Variants in SECISBP2 observed in about 807,000 individuals in gnomAD.
SECISBP2 encodes selenocysteine insertion sequence-binding protein 2.
In SECISBP2, 96 loss-of-function variants were observed where a neutral mutation model predicts 98.2. The ratio of observed to expected loss-of-function variants is 0.98; its 90% CI spans 0.83 to 1.16. SECISBP2 has a LOEUF of 1.16. SECISBP2 is among the 50% of genes most tolerant of loss of function. The pLI is 0.00. For missense variants in SECISBP2, 1,046 were observed against 1,022.9 expected (o/e 1.02, Z -0.31); for synonymous variants, 407 against 370.2 (o/e 1.10, Z -1.14).
intron 7 of SECISBP2, among the ~76,000 whole-genome samples, chr9:89,336,012 A>G (rs1276568479): frequency 6.8e-6 from 1 of 147,356 alleles, no homozygotes; most frequent in African/African-American, 2.5e-5. Context: ...TTTTTGGTTA[A>G]TGGAATTTAT....
At position 89,358,125 on chromosome 9, in the gene SECISBP2, C is replaced by G; in HGVS notation, c.2395C>G (p.Gln799Glu). ...TCAGGCACCTCCCAGCCTACCCACA[C>G]AGGGCCCCAGCTGCCCTGCAGAAGA... Reference protein sequence around the residue: ...RPQAPPSLPTQGPSCPAEDGP... With the variant: ...RPQAPPSLPTEGPSCPAEDGP... The change falls in exon 16 of 17, where the codon CAG (glutamine) becomes GAG (glutamate). Residue 799 changes from glutamine to glutamate, a missense_variant. By Grantham distance (29) the Gln-to-Glu change is conservative. Transcript: ENST00000375807. 6.2e-7 allele frequency: 1 copy of G among 1,613,852 alleles called. No individual in the cohort carries two copies. Among genetic ancestry groups the G allele is most frequent in the Non-Finnish European group, 8.5e-7 (1 of 1,179,954 alleles).
chr9:89,341,291 AG>A, intron 9 of SECISBP2, 55 bp from the exon 10 acceptor site: 1 of 1,526,688 alleles, frequency 6.6e-7, no homozygotes, highest in Non-Finnish European at 9.0e-7. Context: ...TTTTGTAAAA[AG>A]AAAAGCACAG....
chr9:89,359,993 C>T (rs539697770), downstream of SECISBP2, among the ~76,000 whole-genome samples: 1 of 152,136 alleles, frequency 6.6e-6, no homozygotes, highest in Non-Finnish European at 1.5e-5. Flanking sequence ...TCTTGAGAAG[C>T]GGCCTGTGAT....
At chr9:89,335,490 G>T (rs1258220548) in intron 7 of SECISBP2, among the ~76,000 whole-genome samples, 1 of 151,904 alleles carries the variant, frequency 6.6e-6, no homozygotes, top group South Asian at 2.1e-4. Flanking sequence ...CTGCCACCAT[G>T]CCTGGCTAAT....
At chr9:89,322,292 C>T (rs1336748008) in intron 2 of SECISBP2, 1 of 152,238 alleles carries the variant, frequency 6.6e-6, no homozygotes, top group Non-Finnish European at 1.5e-5. Flanking sequence ...ATGTAATGAA[C>T]AAATTTGCCT....
intron 2 of SECISBP2, among the ~76,000 whole-genome samples, chr9:89,320,839 A>G (rs1257889321): frequency 6.6e-6 from 1 of 152,084 alleles, no homozygotes; most frequent in Non-Finnish European, 1.5e-5. Context: ...TAAGATTTGC[A>G]TCAGGTGTAG....
chr9:89,331,744 T>A (rs1423830803), intron 5 of SECISBP2, among the ~76,000 whole-genome samples: 1 of 152,234 alleles, frequency 6.6e-6, no homozygotes, highest in Non-Finnish European at 1.5e-5. Context: ...GGCTTTTGCA[T>A]TTACATGGGA....
intron 10 of SECISBP2, among the ~76,000 whole-genome samples, chr9:89,345,432 G>C (rs188651226): frequency 6.6e-6 from 1 of 152,330 alleles, no homozygotes; most frequent in East Asian, 1.9e-4. Flanking sequence ...AAAAGCCTCA[G>C]ACAGGAGTGT....
In SECISBP2 at chr9:89,358,843, CTG is replaced by C. The variant is rs1353274492; in HGVS notation, c.*21_*22del. The C allele has an allele frequency of 1.3e-6, 2 of 1,544,296 alleles. No individual in the cohort carries two copies. ...TTTATGAGAGTTCTTGCCTGTGTGT[CTG>C]TATTTTGGGTAAGGAGGGGAGGTCT... On this transcript the variant is annotated 3_prime_UTR_variant, in exon 17 of 17. Transcript: ENST00000375807.
chr9:89,363,093 AAG>A (rs1832959730), downstream of SECISBP2, among the ~76,000 whole-genome samples: 1 of 152,080 alleles, frequency 6.6e-6, no homozygotes, highest in Non-Finnish European at 1.5e-5. Flanking sequence ...GCCCTCCTCA[AAG>A]GAGTGGCTGG....
At chr9:89,322,648 G>A (rs1826006929) in intron 2 of SECISBP2, 1 of 152,156 alleles carries the variant, frequency 6.6e-6, no homozygotes, top group Admixed American at 6.5e-5. Context: ...AGTACCAATT[G>A]ATGCTTTTGA....
At chr9:89,321,608 G>A (rs1474480865) in intron 2 of SECISBP2, among the ~76,000 whole-genome samples, 1 of 152,110 alleles carries the variant, frequency 6.6e-6, no homozygotes, top group Non-Finnish European at 1.5e-5. Context: ...GGAGGTTGCA[G>A]TGAGCCAAGA....
rs1587929052 is a variant in SECISBP2 at position 89,338,330 on chromosome 9, A to G, written c.1090-128A>G. On this transcript the variant is annotated intron_variant, in intron 7 of 16. Coordinates refer to ENST00000375807, the MANE Select transcript of SECISBP2 (RefSeq NM_024077.5). ...GCTTTTTAAAAAACAGGGGATGAGG[A>G]ACCTAATTCTGAATAAAATTGTCAT... 13 of 1,105,896 alleles carry G rather than the reference A, an allele frequency of 1.2e-5. No individual in the cohort carries two copies. The South Asian group carries it at 1.8e-4, about 16-fold the overall frequency. 68.5% of individuals were successfully genotyped at this position (1,105,896 alleles called of 1,614,324 possible).
At chr9:89,352,397 A>G (rs1831419589) in intron 14 of SECISBP2, among the ~76,000 whole-genome samples, 1 of 152,128 alleles carries the variant, frequency 6.6e-6, no homozygotes, top group Non-Finnish European at 1.5e-5. Context: ...GTTTTGTTGG[A>G]GTGCATCCTC....
rs1393995574 is a variant in SECISBP2, at chr9:89,350,683, A to T, written c.1944A>T (p.Leu648=). The T allele has an allele frequency of 1.2e-6, 2 of 1,614,070 alleles. No homozygotes were observed. The highest frequency in any genetic ancestry group is 2.2e-5 in the South Asian group (2 of 91,080). ...AAGTGGATGCTTGTGTTACCGACCT[A>T]CTCAAAGAACTGGTCCGTTTCCAAG... The part of the protein sequence containing the change: ...SKEVDACVTD[L]LKELVRFQDR... Residue 648 remains leucine (L), a synonymous_variant, in exon 14 of 17, where the codon CTA becomes CTT. Coordinates refer to ENST00000375807, the MANE Select transcript of SECISBP2 (RefSeq NM_024077.5).
chr9:89,355,273 G>C, intron 14 of SECISBP2: 1 of 985,456 alleles, frequency 1.0e-6, no homozygotes, highest in Non-Finnish European at 1.2e-6. Flanking sequence ...GACTGGGTGA[G>C]TATCCTGTAG....
At chr9:89,349,181 T>C (rs1439059399) in intron 12 of SECISBP2, among the ~76,000 whole-genome samples, 2 of 152,208 alleles carry the variant, frequency 1.3e-5, no homozygotes, top group Non-Finnish European at 2.9e-5. Flanking sequence ...TGGTATATGT[T>C]TTTTCATTCC....
chr9:89,333,375 T>G (rs569389836), intron 6 of SECISBP2, among the ~76,000 whole-genome samples: 5 of 152,260 alleles, frequency 3.3e-5, no homozygotes, highest in Non-Finnish European at 7.3e-5. Context: ...TTCAAACAAA[T>G]TTGCTTAAAA....
rs932587663 is a variant in SECISBP2 at position 89,319,649 on chromosome 9, C to T, written c.37-3C>T. ...GTGGCCAAAACCTCATATTTTTCCT[C>T]AGGGCATCAAGTTATCAGCAGATGT... On this transcript the variant is annotated splice_region_variant and splice_polypyrimidine_tract_variant and intron_variant, in intron 1 of 16. Transcript: ENST00000375807. 1.9e-6 allele frequency: 3 copies of T among 1,613,742 alleles called. No homozygotes were observed. Among genetic ancestry groups the T allele is most frequent in the African/African-American group, 1.3e-5 (1 of 74,704 alleles).
Sources: allele counts gnomAD v4.1 joint callset (sites outside exome capture counted in the v4.1 genomes callset), GRCh38; gene constraint gnomAD v4.1.1; transcripts MANE v1.5; gene names NCBI Gene and HGNC (gene_info 2026-07-23, HGNC 2026-07-21).